ENO4: variants seen among roughly 807,000 people sequenced by gnomAD.
ENO4 encodes enolase 4, also known as 2-phospho-D-glycerate hydro-lyase.
Under a neutral mutation model 63.2 loss-of-function variants are expected in ENO4, and 53 were observed. The ratio of observed to expected loss-of-function variants is 0.84; its 90% CI spans 0.67 to 1.05. ENO4 has a LOEUF of 1.05. ENO4 is among the 50% of genes least tolerant of loss of function. The probability of loss-of-function intolerance (pLI) is 0.00; values close to 1 mark genes in which losing one functional copy is unlikely to be tolerated. For synonymous variants in ENO4, 266 were observed against 283.8 expected (o/e 0.94, Z 0.63); for missense variants, 719 against 772.0 (o/e 0.93, Z 0.81).
At chr10:116,861,236 AAT>A (rs57040708) in intron 6 of ENO4, 46 bp downstream of exon 6, 2,142 of 167,440 alleles carry the variant, frequency 0.013, 5 homozygotes, top group South Asian at 0.018. Flanking sequence ...AAAAAAAAAA[AAT>A]ATATATATAT....
Position 116,900,839 on chromosome 10 carries a change from G to A in ENO4, c.1195-10660G>A. On this transcript the variant is annotated intron_variant, in intron 10 of 10. Transcript: ENST00000369207. ...GATAAAACTGTAAATCAGCAAAGAAGGCCATTCATTCCAGAAGAGAAAAAA... is the reference window on the plus strand; with the variant it reads ...GATAAAACTGTAAATCAGCAAAGAAAGCCATTCATTCCAGAAGAGAAAAAA... The A allele has an allele frequency of 3.0e-6, 3 of 985,304 alleles. No individual in the cohort carries two copies. In the South Asian group the frequency reaches 1.4e-4, roughly 46 times the overall value. 61.0% of individuals were successfully genotyped at this position (985,304 alleles called of 1,614,324 possible). A position where few individuals can be genotyped will look rare whatever the true frequency, so the allele number is the denominator to read the frequency against.
intron 1 of ENO4, among the ~76,000 whole-genome samples, chr10:116,851,817 C>G (rs891953506): frequency 1.3e-5 from 2 of 152,164 alleles, no homozygotes; most frequent in Admixed American, 1.3e-4. Flanking sequence ...TCCTACCTCC[C>G]TCCTCTTTGC....
At chr10:116,880,062 G>A (rs766788588) in intron 13 of ENO4, 76 bp downstream of exon 13, 13 of 1,171,430 alleles carry the variant, frequency 1.1e-5, no homozygotes, top group East Asian at 2.6e-5. Flanking sequence ...GGGAATAGAA[G>A]TCCCTCTGCA....
At chr10:116,875,049 C>T (rs1157336702) in intron 10 of ENO4, among the ~76,000 whole-genome samples, 1 of 152,134 alleles carries the variant, frequency 6.6e-6, no homozygotes, top group Non-Finnish European at 1.5e-5. Flanking sequence ...TTGACAAAGG[C>T]TTATGTGACC....
In ENO4 at chr10:116,902,046, C is replaced by CA. The variant is rs1847760564; in HGVS notation, c.1195-9451dup. The CA allele has an allele frequency of 4.9e-6, 6 of 1,225,882 alleles. No homozygotes were observed. In the African/African-American group the frequency reaches 6.4e-5, roughly 13 times the overall value. 75.9% of individuals were successfully genotyped at this position (1,225,882 alleles called of 1,614,324 possible). ...AAAAACAGATTAGCTGAAAATCCCT[C>CA]AAGAAGTGAAAAGGCCAAGTTTGTT... On this transcript the variant is annotated intron_variant, in intron 10 of 10. Transcript: ENST00000369207.
Position 116,862,857 on chromosome 10 carries a change from G to A in ENO4, c.990+5G>A. On this transcript the variant is annotated splice_donor_5th_base_variant and intron_variant, in intron 7 of 13. Transcript: ENST00000341276. Reference sequence around the variant, plus strand: ...ATCAACAAAATAATTGAAATGGTATGTAAAGAGATTCTATGTTATCTAGTT... The same window carrying A: ...ATCAACAAAATAATTGAAATGGTATATAAAGAGATTCTATGTTATCTAGTT... The A allele has an allele frequency of 6.5e-7, 1 of 1,536,374 alleles. No individual in the cohort carries two copies. The highest frequency in any genetic ancestry group is 8.8e-7 in the Non-Finnish European group (1 of 1,134,320).
chr10:116,855,492 C>T (rs142901512), intron 1 of ENO4, 131 bp from the exon 2 acceptor site: 11 of 1,131,556 alleles, frequency 9.7e-6, no homozygotes, highest in South Asian at 2.8e-5. Context: ...AGAATACTCG[C>T]GGAGAGGTTT....
chr10:116,896,745 C>A (rs951636972), intron 10 of ENO4, among the ~76,000 whole-genome samples: 22 of 152,022 alleles, frequency 1.4e-4, no homozygotes, highest in African/African-American at 4.8e-4. Flanking sequence ...ATTTTCTCCA[C>A]CCCGAAATAA....
In ENO4 at chr10:116,901,571, C is replaced by T. The variant is rs544574978; in HGVS notation, c.1195-9928C>T. On this transcript the variant is annotated intron_variant, in intron 10 of 10. Transcript: ENST00000369207. ...GAAGTAATTCTCTTTGTACATGGTA[C>T]TTGCTTTGGATCTGAATGAGATCTC... The T allele has an allele frequency of 1.0e-5, 10 of 985,316 alleles. No homozygotes were observed. The South Asian group carries it at 4.7e-4, about 46-fold the overall frequency. The allele number at this position is 985,316 out of a possible 1,614,324, so 61.0% of individuals were successfully genotyped here. A position where few individuals can be genotyped will look rare whatever the true frequency, so the allele number is the denominator to read the frequency against.
intron 3 of ENO4, 82 bp from the exon 4 acceptor site, chr10:116,858,908 G>T: frequency 2.6e-6 from 2 of 758,812 alleles, no homozygotes; most frequent in Non-Finnish European, 4.1e-6. Context: ...AAATATATGG[G>T]GTCATCTCTA....
intron 13 of ENO4, among the ~76,000 whole-genome samples, chr10:116,881,062 A>C (rs1846992380): frequency 6.6e-6 from 1 of 152,052 alleles, no homozygotes; most frequent in Non-Finnish European, 1.5e-5. Flanking sequence ...CTCCACTCCC[A>C]CTTTAGAGTA....
At chr10:116,884,343 C>T (rs1423748904), downstream of ENO4, 1 of 438,952 alleles carries the variant, frequency 2.3e-6, no homozygotes, top group Non-Finnish European at 4.7e-6. Context: ...GAGTGAATAT[C>T]TTCCATCAAA....
At chr10:116,876,371 A>G in intron 11 of ENO4, 111 bp downstream of exon 11, 1 of 904,268 alleles carries the variant, frequency 1.1e-6, no homozygotes, top group Non-Finnish European at 1.6e-6. Flanking sequence ...CTTGGAAGAA[A>G]AGAAAGTCCA....
intron 10 of ENO4, among the ~76,000 whole-genome samples, chr10:116,895,646 T>C (rs1193838177): frequency 6.6e-6 from 1 of 152,182 alleles, no homozygotes; most frequent in Non-Finnish European, 1.5e-5. Flanking sequence ...TGCAGAATCA[T>C]TACCTCCTAT....
chr10:116,853,630 T>C (rs764171495), intron 1 of ENO4, among the ~76,000 whole-genome samples: 4 of 152,180 alleles, frequency 2.6e-5, no homozygotes, highest in Non-Finnish European at 5.9e-5. Flanking sequence ...CGCGGCACAT[T>C]ATAGGTGCTT....
At chr10:116,911,689 G>A (rs1270880747) in exon 11 of ENO4, 3 of 1,580,622 alleles carry the variant, frequency 1.9e-6, no homozygotes, top group Non-Finnish European at 2.6e-6. Context: ...AATTGTAAAT[G>A]GGAATAAAAC....
At position 116,875,246 on chromosome 10, in the gene ENO4, C is replaced by A. The variant is rs1013368560; in HGVS notation, c.1342-819C>A. ...AGTCCCAGGGTCTCAGTCACATCCTCCTTTTCACAACCTCCATTCTACACC... is the reference window on the plus strand; with the variant it reads ...AGTCCCAGGGTCTCAGTCACATCCTACTTTTCACAACCTCCATTCTACACC... On this transcript the variant is annotated intron_variant, in intron 10 of 13. Coordinates refer to ENST00000341276, the MANE Select transcript of ENO4 (RefSeq NM_001242699.2). Among the ~76,000 whole-genome samples the A allele has an allele frequency of 3.9e-5, 6 of 152,052 alleles. No individual in the cohort carries two copies. The East Asian group carries it at 1.2e-3, about 29-fold the overall frequency.
intron 1 of ENO4, 130 bp downstream of exon 1, chr10:116,849,861 T>G (rs972729910): frequency 3.7e-6 from 4 of 1,073,496 alleles, no homozygotes; most frequent in Admixed American, 2.2e-5. Flanking sequence ...TGGGCCTGCG[T>G]GTGCGGAGGA....
intron 10 of ENO4, among the ~76,000 whole-genome samples, chr10:116,899,353 A>G (rs1169504358): frequency 6.6e-6 from 1 of 152,156 alleles, no homozygotes. Context: ...CATAGAGAAG[A>G]TAACATTTGA....
Sources: allele counts gnomAD v4.1 joint callset (sites outside exome capture counted in the v4.1 genomes callset), GRCh38; gene constraint gnomAD v4.1.1; transcripts MANE v1.5; gene names NCBI Gene and HGNC (gene_info 2026-07-23, HGNC 2026-07-21).